The following ENTREP1 variants were observed in gnomAD, a reference collection of about 807,000 sequenced individuals.
ENTREP1 encodes the protein endosomal transmembrane epsin interactor 1.
the ENTREP1 span, among the ~76,000 whole-genome samples, chr9:69,333,661 C>T: frequency 2.6e-5 from 4 of 152,292 alleles, no homozygotes; most frequent in South Asian, 8.3e-4. Flanking sequence ...GCAGGGTTCT[C>T]TATTAATGGA....
At chr9:69,376,527 C>G in the ENTREP1 span, among the ~76,000 whole-genome samples, 3 of 152,354 alleles carry the variant, frequency 2.0e-5, no homozygotes, top group African/African-American at 7.2e-5. Flanking sequence ...GTGACAAAAT[C>G]AACTGGTGAA....
the ENTREP1 span, among the ~76,000 whole-genome samples, chr9:69,345,609 T>A: frequency 2.0e-5 from 3 of 152,218 alleles, no homozygotes; most frequent in Non-Finnish European, 4.4e-5. Context: ...TTTTTAAAAA[T>A]TTTTATCTTT....
chr9:69,358,072 G>A, the ENTREP1 span, among the ~76,000 whole-genome samples: 3 of 152,134 alleles, frequency 2.0e-5, no homozygotes, highest in African/African-American at 7.2e-5. Flanking sequence ...GGCAGTTAGA[G>A]TCTCAGCAAG....
chr9:69,367,790 CAT>C, the ENTREP1 span, among the ~76,000 whole-genome samples: 51,127 of 113,444 alleles, frequency 0.45, 12,395 homozygotes, highest in African/African-American at 0.54. Flanking sequence ...TATATACACA[CAT>C]ATATATAAAT....
the ENTREP1 span, chr9:69,388,497 A>T: frequency 7.0e-7 from 1 of 1,434,592 alleles, no homozygotes; most frequent in Non-Finnish European, 9.4e-7. Flanking sequence ...ACTCATTTTC[A>T]TAGCAGCTAA....
chr9:69,352,398 C>T, the ENTREP1 span, among the ~76,000 whole-genome samples: 1 of 152,186 alleles, frequency 6.6e-6, no homozygotes, highest in African/African-American at 2.4e-5. Flanking sequence ...GGATTACAAG[C>T]GTGAGCCACT....
the ENTREP1 span, chr9:69,377,526 A>G: frequency 1.9e-6 from 3 of 1,608,432 alleles, no homozygotes; most frequent in East Asian, 2.2e-5. Flanking sequence ...GAGCCAGCCC[A>G]TGGACCCCTT....
the ENTREP1 span, among the ~76,000 whole-genome samples, chr9:69,331,005 T>C: frequency 7.3e-5 from 11 of 150,818 alleles, no homozygotes; most frequent in African/African-American, 2.7e-4. Context: ...TACCATCATG[T>C]TTTCATTAGA....
chr9:69,365,094 G>T, the ENTREP1 span, among the ~76,000 whole-genome samples: 1 of 152,132 alleles, frequency 6.6e-6, no homozygotes, highest in Non-Finnish European at 1.5e-5. Flanking sequence ...AATAAGGTAA[G>T]TATGTTTTAT....
the ENTREP1 span, among the ~76,000 whole-genome samples, chr9:69,337,738 A>G: frequency 6.6e-6 from 1 of 152,200 alleles, no homozygotes; most frequent in Non-Finnish European, 1.5e-5. Flanking sequence ...CCAACTTTTA[A>G]TGATAAAATA....
At chr9:69,378,766 A>G in the ENTREP1 span, among the ~76,000 whole-genome samples, 1 of 152,142 alleles carries the variant, frequency 6.6e-6, no homozygotes, top group Non-Finnish European at 1.5e-5. Flanking sequence ...CAAAAAAAAA[A>G]AAAAGAATGA....
chr9:69,392,278 C>G, the ENTREP1 span: 2 of 162,392 alleles, frequency 1.2e-5, no homozygotes, highest in African/African-American at 4.8e-5. Context: ...AAGCCTCAAG[C>G]CTTGTTTCAG....
At chr9:69,334,436 A>G in the ENTREP1 span, among the ~76,000 whole-genome samples, 1 of 152,160 alleles carries the variant, frequency 6.6e-6, no homozygotes, top group Non-Finnish European at 1.5e-5. Context: ...AGCTAGTGAG[A>G]ATGGAGAATA....
chr9:69,336,096 G>A, the ENTREP1 span: 1 of 528,324 alleles, frequency 1.9e-6, no homozygotes. Context: ...AATATTAAAT[G>A]TTTGATTTAG....
chr9:69,343,042 A>G, the ENTREP1 span, among the ~76,000 whole-genome samples: 1 of 152,244 alleles, frequency 6.6e-6, no homozygotes, highest in Non-Finnish European at 1.5e-5. Context: ...TGCTTTAATT[A>G]GTGGGTTTAG....
At chr9:69,345,380 G>A in the ENTREP1 span, among the ~76,000 whole-genome samples, 1 of 152,164 alleles carries the variant, frequency 6.6e-6, no homozygotes, top group Non-Finnish European at 1.5e-5. Context: ...GATTTGACCT[G>A]GGTACTGTAC....
At chr9:69,369,743 G>GT in the ENTREP1 span, among the ~76,000 whole-genome samples, 1 of 152,094 alleles carries the variant, frequency 6.6e-6, no homozygotes, top group Non-Finnish European at 1.5e-5. Context: ...ATTCTAGTTG[G>GT]TGTGAAGTGG....
At chr9:69,371,576 C>T in the ENTREP1 span, 14 of 1,613,500 alleles carry the variant, frequency 8.7e-6, no homozygotes, top group East Asian at 2.7e-4. Flanking sequence ...GCCAAGGGGC[C>T]CAGTTTGTGT....
At chr9:69,330,304 G>A in the ENTREP1 span, among the ~76,000 whole-genome samples, 10 of 152,192 alleles carry the variant, frequency 6.6e-5, no homozygotes, top group Non-Finnish European at 1.3e-4. Context: ...TCCTACCTTT[G>A]ATGACATGCA....
Sources: allele counts gnomAD v4.1 joint callset (sites outside exome capture counted in the v4.1 genomes callset), GRCh38; gene constraint gnomAD v4.1.1; transcripts MANE v1.5; gene names NCBI Gene and HGNC (gene_info 2026-07-23, HGNC 2026-07-21).